CACNA1C: variants seen among roughly 807,000 people sequenced by gnomAD.
CACNA1C encodes voltage-dependent L-type calcium channel subunit alpha-1C.
In CACNA1C, 30 loss-of-function variants were observed where a neutral mutation model predicts 229.0. The ratio of observed to expected loss-of-function variants is 0.13; its 90% CI spans 0.10 to 0.18. CACNA1C has a LOEUF of 0.18. CACNA1C is among the 10% of genes least tolerant of loss of function. The pLI, the probability that CACNA1C is intolerant of heterozygous loss-of-function variation, is 1.00. For synonymous variants in CACNA1C, 1,114 were observed against 1,132.5 expected (o/e 0.98, Z 0.33); for missense variants, 1,658 against 2,845.0 (o/e 0.58, Z 9.49).
chr12:2,667,632 A>G (rs377273233), intron 37 of CACNA1C, among the ~76,000 whole-genome samples: 23 of 152,334 alleles, frequency 1.5e-4, no homozygotes, highest in African/African-American at 4.6e-4. Flanking sequence ...TACAAACACC[A>G]TGCAAGGCAA....
intron 19 of CACNA1C, among the ~76,000 whole-genome samples, chr12:2,593,840 C>T (rs1215678618): frequency 1.3e-5 from 2 of 152,078 alleles, no homozygotes; most frequent in East Asian, 3.9e-4. Context: ...CATTTTTTTA[C>T]TCATTTCAGT....
At chr12:2,640,664 C>G (rs2093573610) in intron 30 of CACNA1C, among the ~76,000 whole-genome samples, 1 of 152,182 alleles carries the variant, frequency 6.6e-6, no homozygotes, top group South Asian at 2.1e-4. Flanking sequence ...CAGGGATCAG[C>G]ATGTCGGGAT....
chr12:2,632,297 T>TGG lies in CACNA1C; in HGVS notation c.3829-1997_3829-1996dup, dbSNP rs3216323. Reference sequence around the variant, plus strand: ...ATGACCGCCTGTAGCTGGGGGTGTATGGGGACTATGACCGCCTGTAGCTGG... The same window carrying TGG: ...ATGACCGCCTGTAGCTGGGGGTGTATGGGGGGACTATGACCGCCTGTAGCTGG... On this transcript the variant is annotated intron_variant, in intron 29 of 46. Transcript: ENST00000399655. This position sits in a 1 kb window ranked among gnomAD's most constrained non-coding sequence, Gnocchi z 4.1. Among the ~76,000 whole-genome samples the TGG allele has an allele frequency of 6.0e-4, 91 of 151,548 alleles. No individual in the cohort carries two copies. Among genetic ancestry groups the TGG allele is most frequent in the African/African-American group, 2.0e-3 (82 of 41,226 alleles).
intron 45 of CACNA1C, among the ~76,000 whole-genome samples, 181 bp downstream of exon 45, chr12:2,686,450 G>A (rs191997062): frequency 7.2e-5 from 11 of 152,334 alleles, no homozygotes; most frequent in Middle Eastern, 3.4e-3. Context: ...TGAGGGCCAC[G>A]GCAAGGTCTG....
At chr12:2,466,483 T>C (rs2099551481) in intron 5 of CACNA1C, among the ~76,000 whole-genome samples, 1 of 152,224 alleles carries the variant, frequency 6.6e-6, no homozygotes, top group South Asian at 2.1e-4. Flanking sequence ...CCCCTGAAAC[T>C]GACATATCTT....
At chr12:2,096,864 C>T (rs2074227692) in intron 1 of CACNA1C, among the ~76,000 whole-genome samples, 1 of 152,230 alleles carries the variant, frequency 6.6e-6, no homozygotes, top group African/African-American at 2.4e-5. Flanking sequence ...CTTCACTCAG[C>T]ACCATGTCCT....
intron 1 of CACNA1C, among the ~76,000 whole-genome samples, chr12:2,078,375 C>T (rs1479293688): frequency 2.0e-5 from 3 of 152,154 alleles, no homozygotes; most frequent in Non-Finnish European, 4.4e-5. Flanking sequence ...GATTAAGATA[C>T]ATACAGCGGA....
chr12:2,495,060 C>CA (rs1336857115), intron 7 of CACNA1C, among the ~76,000 whole-genome samples: 4 of 152,142 alleles, frequency 2.6e-5, no homozygotes, highest in African/African-American at 9.7e-5. Context: ...GTGATACTTT[C>CA]AAAAAGAAGA....
At chr12:2,362,467 C>T (rs1035451100) in intron 3 of CACNA1C, among the ~76,000 whole-genome samples, 1 of 152,190 alleles carries the variant, frequency 6.6e-6, no homozygotes, top group Non-Finnish European at 1.5e-5. Context: ...CTTCCTCCCC[C>T]ATAGACCCAC....
chr12:2,103,367 C>T (rs2154107219), intron 1 of CACNA1C, among the ~76,000 whole-genome samples: 2 of 152,302 alleles, frequency 1.3e-5, no homozygotes, highest in African/African-American at 4.8e-5. Flanking sequence ...TAGTTGCCTG[C>T]ATAAATGTCT....
At chr12:2,499,598 T>G (rs1451032213) in intron 7 of CACNA1C, among the ~76,000 whole-genome samples, 1 of 152,232 alleles carries the variant, frequency 6.6e-6, no homozygotes, top group Non-Finnish European at 1.5e-5. Flanking sequence ...ATAGTGTTCA[T>G]TCAATGCTCC....
chr12:2,677,957 G>C lies in CACNA1C; in HGVS notation c.5091+90G>C. 2.1e-6 allele frequency: 3 copies of C among 1,461,450 alleles called. No homozygotes were observed. The South Asian group carries it at 3.6e-5, about 18-fold the overall frequency. 90.5% of individuals were successfully genotyped at this position (1,461,450 alleles called of 1,614,324 possible). Reference sequence around the variant, plus strand: ...GGGGTTTTGCGGGGAACGTCCAGGGGAAGGAGCTGCACCAGAGGAAAGGGC... The same window carrying C: ...GGGGTTTTGCGGGGAACGTCCAGGGCAAGGAGCTGCACCAGAGGAAAGGGC... On this transcript the variant is annotated intron_variant, in intron 41 of 46. Coordinates refer to ENST00000399655, the MANE Select transcript of CACNA1C (RefSeq NM_000719.7). This position sits in a 1 kb window ranked among gnomAD's most constrained non-coding sequence, Gnocchi z 7.4.
chr12:1,982,536 T>TAC lies in CACNA1C; in HGVS notation c.139+11336_139+11337insCA, dbSNP rs544583683. Reference sequence around the variant, plus strand: ...TCTTCAAGGTTCATTCACGTTGTACTATATATATAATTTTATTCTCTTTTG... The same window carrying TAC: ...TCTTCAAGGTTCATTCACGTTGTACTACATATATATAATTTTATTCTCTTTTG... On this transcript the variant is annotated intron_variant, in intron 1 of 46. Transcript: ENST00000682462. Among the ~76,000 whole-genome samples the TAC allele has an allele frequency of 1.8e-3, 111 of 62,918 alleles. 1 individual carries two copies. Among genetic ancestry groups the TAC allele is most frequent in the African/African-American group, 0.011 (105 of 9,716 alleles). 41.3% of individuals were successfully genotyped at this position (62,918 alleles called of 152,430 possible).
At chr12:2,016,278 C>CTCAGTACAACAAAATACA in intron 1 of CACNA1C, among the ~76,000 whole-genome samples, 1 of 147,604 alleles carries the variant, frequency 6.8e-6, no homozygotes, top group Admixed American at 6.6e-5. Flanking sequence ...AACAACAGTA[C>CTCAGTACAACAAAATACA]TCAGTACAAC....
In CACNA1C at chr12:2,053,427, TGCA is replaced by T. The variant is rs1194152755; in HGVS notation, c.-134_-132del. 2 of 1,438,318 alleles carry T rather than the reference TGCA, an allele frequency of 1.4e-6. No individual in the cohort carries two copies. The highest frequency in any genetic ancestry group is 2.9e-5 in the African/African-American group (2 of 69,234). 89.1% of individuals were successfully genotyped at this position (1,438,318 alleles called of 1,614,324 possible). ...ATCGTCGGCGGGGAAGAAGAAACGC[TGCA>T]GACCACGGCTTCCTCGAATCTTGCG... On this transcript the variant is annotated 5_prime_UTR_variant, in exon 1 of 47. Transcript: ENST00000399655. This position sits in a 1 kb window ranked among gnomAD's most constrained non-coding sequence, Gnocchi z 5.8.
chr12:2,680,567 G>C (rs755479470), intron 42 of CACNA1C: 1 of 1,564,310 alleles, frequency 6.4e-7, no homozygotes, highest in Non-Finnish European at 8.7e-7. Context: ...CAGCCCCCCA[G>C]CATGCCAGGT....
At chr12:2,341,446 C>G (rs1014724146) in intron 3 of CACNA1C, among the ~76,000 whole-genome samples, 5 of 152,192 alleles carry the variant, frequency 3.3e-5, no homozygotes, top group African/African-American at 4.8e-5. Context: ...CCCTGCTCTT[C>G]TAAGTATGAA....
At chr12:2,409,733 C>T (rs1011215928) in intron 3 of CACNA1C, among the ~76,000 whole-genome samples, 3 of 152,216 alleles carry the variant, frequency 2.0e-5, no homozygotes, top group Non-Finnish European at 4.4e-5. Context: ...CTCCCTGAAG[C>T]TGCAGTGTTC....
At position 2,471,393 on chromosome 12, in the gene CACNA1C, C is replaced by G. The variant is rs114962726; in HGVS notation, c.757+13687C>G. ...ATAAAACATAGTATTTTATATTTAC[C>G]TACTTATTTACTGTTTCTGATGCTT... On this transcript the variant is annotated intron_variant, in intron 5 of 46. Coordinates refer to ENST00000399655, the MANE Select transcript of CACNA1C (RefSeq NM_000719.7). Among the ~76,000 whole-genome samples, 536 of 152,030 alleles carry G rather than the reference C, an allele frequency of 3.5e-3. 4 individuals are homozygous for G. Among genetic ancestry groups the G allele is most frequent in the African/African-American group, 0.012 (516 of 41,446 alleles).
Sources: allele counts gnomAD v4.1 joint callset (sites outside exome capture counted in the v4.1 genomes callset), GRCh38; gene constraint gnomAD v4.1.1; non-coding constraint Gnocchi (gnomAD v3.1); transcripts MANE v1.5; gene names NCBI Gene and HGNC (gene_info 2026-07-23, HGNC 2026-07-21).